Variants in PCLO observed in about 807,000 individuals in gnomAD.
PCLO encodes the protein piccolo presynaptic cytomatrix protein.
A neutral mutation model predicts 427.5 loss-of-function variants in PCLO; 82 were observed. The ratio of observed to expected loss-of-function variants is 0.19; its 90% CI spans 0.16 to 0.23. The LOEUF (loss-of-function observed/expected upper bound fraction) is 0.23, where lower values mean the gene tolerates loss of function less well. Ranked by LOEUF, PCLO falls within the 10% of genes least tolerant of loss-of-function variation. The pLI, the probability that PCLO is intolerant of heterozygous loss-of-function variation, is 1.00. For missense variants in PCLO, 6,239 were observed against 6,115.9 expected, an observed-to-expected ratio of 1.02 and a Z score of -0.67; for synonymous variants, 2,357 against 2,155.4, an observed-to-expected ratio of 1.09 and a Z score of -2.59.
intron 16 of PCLO, among the ~76,000 whole-genome samples, chr7:82,830,121 A>G (rs1792056616): frequency 6.6e-6 from 1 of 151,914 alleles, no homozygotes; most frequent in South Asian, 2.1e-4. Context: ...TTTAATGGAT[A>G]GGGAAGTGAT....
intron 8 of PCLO, among the ~76,000 whole-genome samples, chr7:82,907,640 A>T (rs2116223674): frequency 6.6e-6 from 1 of 152,172 alleles, no homozygotes; most frequent in South Asian, 2.1e-4. Context: ...ATGAAGTAGA[A>T]TAATGGAATT....
chr7:82,939,859 C>T (rs930295995), intron 6 of PCLO, among the ~76,000 whole-genome samples: 1 of 151,716 alleles, frequency 6.6e-6, no homozygotes, highest in South Asian at 2.1e-4. Flanking sequence ...AATGCCTGAA[C>T]ATGGCCTTTA....
intron 3 of PCLO, among the ~76,000 whole-genome samples, chr7:83,090,676 C>T (rs929233288): frequency 2.0e-5 from 3 of 151,966 alleles, no homozygotes; most frequent in African/African-American, 7.2e-5. Context: ...TGCAGAGGAA[C>T]CAAGAGAACC....
At chr7:82,938,837 C>T (rs1795015394) in intron 6 of PCLO, among the ~76,000 whole-genome samples, 1 of 151,850 alleles carries the variant, frequency 6.6e-6, no homozygotes, top group Admixed American at 6.6e-5. Flanking sequence ...TTCTAATATG[C>T]TACAATGAGA....
intron 10 of PCLO, among the ~76,000 whole-genome samples, chr7:82,862,459 A>C (rs1191628095): frequency 6.6e-6 from 1 of 151,898 alleles, no homozygotes; most frequent in Non-Finnish European, 1.5e-5. Context: ...GTATATATCC[A>C]AAAGAAGGGA....
chr7:83,135,419 T>C lies in PCLO; in HGVS notation c.2131A>G (p.Thr711Ala), dbSNP rs1474174947. The change falls in exon 3 of 25, where the codon ACC (threonine) becomes GCC (alanine). Residue 711 changes from threonine (T) to alanine (A), a missense_variant. Thr to Ala is a moderately conservative substitution (Grantham distance 58). This residue lies in a region of PCLO where 4,677 missense variants were observed against 4,468.4 expected (regional missense o/e 1.05). Coordinates refer to ENST00000333891, the MANE Select transcript of PCLO (RefSeq NM_033026.6). The part of the protein sequence containing the change: ...KKPPPLVKQP[T>A]LHGSPSAKAK... The stretch of plus-strand genomic sequence containing the variant: ...TTGGCTGAAGGAGAGCCATGAAGGG[T>C]TGGTTGTTTCACTAGTGGTGGTGGC... 6.2e-7 allele frequency: 1 copy of C among 1,612,904 alleles called. No homozygotes were observed. The highest frequency in any genetic ancestry group is 1.7e-5 in the Admixed American group (1 of 59,910).
At chr7:82,809,239 T>A (rs1424198473) in intron 20 of PCLO, among the ~76,000 whole-genome samples, 1 of 151,910 alleles carries the variant, frequency 6.6e-6, no homozygotes, top group African/African-American at 2.4e-5. Context: ...GAGTTTTTTA[T>A]TGGTCTGGTC....
In PCLO at chr7:83,162,472, T is replaced by C. The variant is rs778604385; in HGVS notation, c.121A>G (p.Met41Val). The C allele has an allele frequency of 1.3e-5, 21 of 1,585,250 alleles. No individual in the cohort carries two copies. The South Asian group carries it at 1.7e-4, about 13-fold the overall frequency. ...CTCAGCTGGCTCAAATCCGCCTCCA[T>C]GCCGGCCGGGATCGCGGTGTGAGAG... ...SPSHTAIPAG[M>V]EADLSQLSEE... Residue 41 changes from methionine to valine, a missense_variant, in exon 1 of 25, where the codon ATG (methionine) becomes GTG (valine). Physicochemically the swap from Met to Val is conservative, Grantham distance 21 (BLOSUM62 1). This residue lies in a region of PCLO where 4,677 missense variants were observed against 4,468.4 expected (regional missense o/e 1.05). Transcript: ENST00000333891.
rs191183215 is a variant in PCLO at position 83,135,338 on chromosome 7, G to T, written c.2212C>A (p.Pro738Thr). 3.6e-4 allele frequency: 581 copies of T among 1,613,942 alleles called. 8 individuals carry two copies. The South Asian group carries it at 5.9e-3, about 16-fold the overall frequency. ...TTGTCCTGCTCAGATGGGACAGAAG[G>T]TTCTTTGGGAGGGGCTGGCTTGGAC... ...SLSKPAPPKE[P>T]SVPSEQDKAP... The change falls in exon 3 of 25, where the codon CCT becomes ACT. Residue 738 changes from proline to threonine, a missense_variant. Physicochemically the swap from Pro to Thr is conservative, Grantham distance 38 (BLOSUM62 -1). Around this residue, in one of 5 missense-constraint regions of PCLO, gnomAD observed 4,677 missense variants for 4,468.4 expected, o/e 1.05. Transcript: ENST00000333891.
At chr7:83,119,118 G>A (rs2116553514) in intron 3 of PCLO, among the ~76,000 whole-genome samples, 1 of 152,286 alleles carries the variant, frequency 6.6e-6, no homozygotes, top group South Asian at 2.1e-4. Flanking sequence ...GCTGCCTACT[G>A]GCAGGATTCA....
intron 3 of PCLO, among the ~76,000 whole-genome samples, chr7:82,968,105 T>A (rs1795820165): frequency 6.6e-6 from 1 of 152,244 alleles, no homozygotes; most frequent in Admixed American, 6.5e-5. Flanking sequence ...CTATGATTAT[T>A]TTGCAATCTG....
At chr7:83,086,487 G>C (rs1021456241) in intron 3 of PCLO, among the ~76,000 whole-genome samples, 1 of 149,810 alleles carries the variant, frequency 6.7e-6, no homozygotes, top group Non-Finnish European at 1.5e-5. Context: ...TGCCAAGTTG[G>C]AAAAAAAAAA....
chr7:83,113,104 G>A (rs1227581032), intron 3 of PCLO, among the ~76,000 whole-genome samples: 1 of 152,190 alleles, frequency 6.6e-6, no homozygotes, highest in African/African-American at 2.4e-5. Flanking sequence ...GCCATGTACT[G>A]TTCTGAAAGT....
intron 4 of PCLO, among the ~76,000 whole-genome samples, chr7:82,957,198 T>C (rs1795547338): frequency 6.6e-6 from 1 of 152,198 alleles, no homozygotes; most frequent in South Asian, 2.1e-4. Context: ...CCTTTTCACA[T>C]TTCAATGTCA....
chr7:82,926,897 C>T (rs894888311), intron 6 of PCLO, among the ~76,000 whole-genome samples: 1 of 152,008 alleles, frequency 6.6e-6, no homozygotes, highest in Non-Finnish European at 1.5e-5. Context: ...TCCCTCTTTC[C>T]ATCCTTCCCT....
intron 18 of PCLO, among the ~76,000 whole-genome samples, chr7:82,825,406 G>T (rs1173609351): frequency 6.6e-6 from 1 of 152,040 alleles, no homozygotes; most frequent in Non-Finnish European, 1.5e-5. Flanking sequence ...CAAGTGGCTA[G>T]AGCTGGATGG....
At chr7:83,025,043 G>A (rs568629158) in intron 3 of PCLO, among the ~76,000 whole-genome samples, 3 of 152,280 alleles carry the variant, frequency 2.0e-5, no homozygotes, top group South Asian at 4.1e-4. Context: ...AAAAAGTAGA[G>A]CGCCTCTCCT....
chr7:83,137,507 T>C (rs1281923929), intron 2 of PCLO, among the ~76,000 whole-genome samples: 1 of 152,198 alleles, frequency 6.6e-6, no homozygotes, highest in South Asian at 2.1e-4. Flanking sequence ...CTCGGCTCAC[T>C]GCAAGCTCTG....
In PCLO at chr7:82,947,757, C is replaced by T. The variant is rs115465132; in HGVS notation, c.11112+1719G>A. ...TTATTTGGTAATTCTACTCAACTTC[C>T]TTTATGATTAGCTTATCAATATTTC... On this transcript the variant is annotated intron_variant, in intron 6 of 24. Coordinates refer to ENST00000333891, the MANE Select transcript of PCLO (RefSeq NM_033026.6). 6.4e-3 allele frequency among the ~76,000 whole-genome samples: 975 copies of T among 152,194 alleles called. 15 individuals carry two copies. Among genetic ancestry groups the T allele is most frequent in the African/African-American group, 0.022 (912 of 41,532 alleles).
Sources: allele counts gnomAD v4.1 joint callset (sites outside exome capture counted in the v4.1 genomes callset), GRCh38; gene constraint gnomAD v4.1.1; regional missense constraint gnomAD v4.1.1; transcripts MANE v1.5; gene names NCBI Gene and HGNC (gene_info 2026-07-23, HGNC 2026-07-21).